The following NRP1 variants were observed in gnomAD, a reference collection of about 807,000 sequenced individuals.
NRP1 encodes neuropilin-1.
Under a neutral mutation model 106.7 loss-of-function variants are expected in NRP1, and 35 were observed. The ratio of observed to expected loss-of-function variants is 0.33; its 90% confidence interval spans 0.25 to 0.43. The LOEUF is 0.43. Ranked by LOEUF, NRP1 falls within the 20% of genes least tolerant of loss-of-function variation. The probability of loss-of-function intolerance (pLI) is 1.00; values close to 1 mark genes in which losing one functional copy is unlikely to be tolerated. For synonymous variants in NRP1, 437 were observed against 417.9 expected (o/e 1.05, Z -0.56); for missense variants, 1,024 against 1,170.4 (o/e 0.87, Z 1.83).
chr10:33,306,524 A>G (rs1194633853), intron 2 of NRP1, among the ~76,000 whole-genome samples: 2 of 152,246 alleles, frequency 1.3e-5, no homozygotes, highest in Non-Finnish European at 2.9e-5. Flanking sequence ...ACGACTTAAT[A>G]TGGTAAAACA....
chr10:33,224,008 T>C (rs895873737), intron 7 of NRP1, among the ~76,000 whole-genome samples: 1 of 151,760 alleles, frequency 6.6e-6, no homozygotes, highest in Non-Finnish European at 1.5e-5. Flanking sequence ...GTTGCTGGAG[T>C]TGTTGGTGGT....
intron 2 of NRP1, among the ~76,000 whole-genome samples, chr10:33,320,330 C>G (rs1422861421): frequency 1.3e-5 from 2 of 149,774 alleles, no homozygotes; most frequent in South Asian, 2.1e-4. Flanking sequence ...AAAAAAAAAG[C>G]CTGCACCGGG....
At chr10:33,209,050 G>T (rs1281672640) in intron 9 of NRP1, among the ~76,000 whole-genome samples, 1 of 151,776 alleles carries the variant, frequency 6.6e-6, no homozygotes, top group Non-Finnish European at 1.5e-5. Flanking sequence ...GGGATTGCAG[G>T]TGCACACCAA....
At chr10:33,227,461 A>G (rs1839762921) in intron 6 of NRP1, among the ~76,000 whole-genome samples, 2 of 152,132 alleles carry the variant, frequency 1.3e-5, no homozygotes, top group African/African-American at 4.8e-5. Flanking sequence ...TTTCTGTTTC[A>G]GCTTTAGATT....
intron 2 of NRP1, chr10:33,288,496 A>G (rs868840333): frequency 2.0e-5 from 3 of 152,190 alleles, no homozygotes; most frequent in African/African-American, 7.2e-5. Flanking sequence ...TAATGTGGAC[A>G]TCTCATCAGC....
intron 2 of NRP1, among the ~76,000 whole-genome samples, chr10:33,306,536 A>C (rs192647667): frequency 6.6e-5 from 10 of 152,340 alleles, no homozygotes; most frequent in African/African-American, 2.4e-4. Flanking sequence ...GGTAAAACAT[A>C]TCTTATCCCT....
At chr10:33,244,719 T>G (rs1841289770) in intron 6 of NRP1, among the ~76,000 whole-genome samples, 1 of 152,136 alleles carries the variant, frequency 6.6e-6, no homozygotes, top group Non-Finnish European at 1.5e-5. Context: ...AATTCTTTAC[T>G]CTTGATTATA....
intron 2 of NRP1, among the ~76,000 whole-genome samples, chr10:33,273,205 T>C (rs1843440809): frequency 6.6e-6 from 1 of 152,174 alleles, no homozygotes; most frequent in Admixed American, 6.5e-5. Flanking sequence ...TAGTTACATT[T>C]GTAAACTGGA....
intron 6 of NRP1, among the ~76,000 whole-genome samples, chr10:33,240,596 C>T (rs1016314148): frequency 3.3e-5 from 5 of 152,142 alleles, no homozygotes; most frequent in African/African-American, 1.2e-4. Flanking sequence ...AGTTTGACAG[C>T]ATCTTTTTAC....
intron 3 of NRP1, among the ~76,000 whole-genome samples, chr10:33,265,656 C>G (rs913231215): frequency 6.6e-6 from 1 of 152,182 alleles, no homozygotes; most frequent in African/African-American, 2.4e-5. Flanking sequence ...CAGAAGAATT[C>G]TTAGATGGGC....
intron 4 of NRP1, among the ~76,000 whole-genome samples, chr10:33,263,175 C>T (rs7899851): frequency 0.52 from 78,905 of 152,050 alleles, 21,215 homozygotes; most frequent in African/African-American, 0.65. Context: ...TGTAGCATAA[C>T]GGATGCATAG....
At chr10:33,288,468 C>G (rs1844747399) in intron 2 of NRP1, 1 of 152,196 alleles carries the variant, frequency 6.6e-6, no homozygotes, top group Non-Finnish European at 1.5e-5. Flanking sequence ...AGGAGGTCAC[C>G]ATTATCGATG....
At chr10:33,186,548 CTTCT>C in intron 13 of NRP1, 60 bp from the exon 14 acceptor site, 3 of 1,536,280 alleles carry the variant, frequency 2.0e-6, no homozygotes, top group Non-Finnish European at 1.8e-6. Context: ...TTTTATCTCT[CTTCT>C]TTCAAGTCTC....
chr10:33,226,262 T>A lies in NRP1; in HGVS notation c.1009A>T (p.Thr337Ser). Reference sequence around the variant, plus strand: ...ATGGCGCCCTGTGTCCCGACAGCCGTGACAAAGCGCAGAAGGCCCAAGTCT... The same window carrying A: ...ATGGCGCCCTGTGTCCCGACAGCCGAGACAAAGCGCAGAAGGCCCAAGTCT... ...QVDLGLLRFV[T>S]AVGTQGAISK... Residue 337 changes from threonine to serine, a missense_variant, in exon 7 of 17, where the codon ACG (threonine) becomes TCG (serine). Physicochemically the swap from Thr to Ser is moderately conservative, Grantham distance 58. Coordinates refer to ENST00000374867, the MANE Select transcript of NRP1 (RefSeq NM_003873.7). 1 of 1,614,062 alleles carries A rather than the reference T, an allele frequency of 6.2e-7. No homozygotes were observed. The highest frequency in any genetic ancestry group is 2.2e-5 in the East Asian group (1 of 44,862).
rs764282718 is a variant in NRP1, at chr10:33,334,363, A to G, written c.20T>C (p.Leu7Pro). 3 of 1,546,196 alleles carry G rather than the reference A, an allele frequency of 1.9e-6. No individual in the cohort carries two copies. The Admixed American group carries it at 5.9e-5, about 30-fold the overall frequency. Reference sequence around the variant, plus strand: ...GACGAGGGCGAGCACGGCGCAGAGGAGCGGCAGCCCCCTCTCCATTCTCCC... The same window carrying G: ...GACGAGGGCGAGCACGGCGCAGAGGGGCGGCAGCCCCCTCTCCATTCTCCC... MERGLP[L>P]LCAVLALVLA... The change falls in exon 1 of 17, where the codon CTC (leucine) becomes CCC (proline). Residue 7 changes from leucine (L) to proline (P), a missense_variant. Coordinates refer to ENST00000374867, the MANE Select transcript of NRP1 (RefSeq NM_003873.7).
intron 2 of NRP1, among the ~76,000 whole-genome samples, chr10:33,313,299 T>TCTGGG (rs1242286887): frequency 1.3e-5 from 2 of 151,884 alleles, no homozygotes; most frequent in Admixed American, 6.6e-5. Context: ...TCAAGGAGGG[T>TCTGGG]CTGGGCTGGG....
intron 16 of NRP1, among the ~76,000 whole-genome samples, chr10:33,180,756 A>T (rs1835634637): frequency 6.6e-6 from 1 of 152,178 alleles, no homozygotes; most frequent in Non-Finnish European, 1.5e-5. Context: ...CAGTGCATGT[A>T]CCTAACCCCA....
At chr10:33,264,951 A>G (rs1842825121) in intron 3 of NRP1, among the ~76,000 whole-genome samples, 1 of 152,054 alleles carries the variant, frequency 6.6e-6, no homozygotes, top group Non-Finnish European at 1.5e-5. Context: ...CTCTACTAAA[A>G]ATAGAAAAAT....
At chr10:33,280,797 T>C (rs1052668176) in intron 2 of NRP1, among the ~76,000 whole-genome samples, 1 of 151,818 alleles carries the variant, frequency 6.6e-6, no homozygotes, top group African/African-American at 2.4e-5. Context: ...GCCTGAGCAA[T>C]GTGGTGAAAG....
Sources: gnomAD v4.1 joint callset for allele counts (sites outside exome capture counted in the v4.1 genomes callset) on GRCh38, gnomAD v4.1.1 for gene constraint, MANE v1.5 for transcripts, NCBI Gene and HGNC (gene_info 2026-07-23, HGNC 2026-07-21) for gene names.